The following PLCL1 variants were observed in gnomAD, a reference collection of about 807,000 sequenced individuals.
PLCL1 encodes phospholipase C like 1 (inactive), also known as inactive phospholipase C-like protein 1.
Under a neutral mutation model 84.4 loss-of-function variants are expected in PLCL1, and 41 were observed. That is an observed-to-expected ratio of 0.49 (90% confidence interval 0.38 to 0.63). PLCL1 has a LOEUF of 0.63. Among genes scored for constraint, PLCL1 ranks in the 30% least tolerant of loss-of-function variants. The pLI is 0.00. For synonymous variants in PLCL1, 490 were observed against 488.3 expected (o/e 1.00, Z -0.05); for missense variants, 1,206 against 1,367.8 (o/e 0.88, Z 1.87).
intron 2 of PLCL1, among the ~76,000 whole-genome samples, chr2:198,086,510 A>G (rs1178486424): frequency 6.6e-6 from 1 of 152,084 alleles, no homozygotes; most frequent in Admixed American, 6.5e-5. Flanking sequence ...AGTCCCAGCT[A>G]CCCAGGAGGC....
At chr2:197,970,671 C>T (rs1174204109) in intron 1 of PLCL1, among the ~76,000 whole-genome samples, 1 of 152,108 alleles carries the variant, frequency 6.6e-6, no homozygotes, top group African/African-American at 2.4e-5. Context: ...ACATGGTTTG[C>T]ATTATCTTTC....
intron 1 of PLCL1, among the ~76,000 whole-genome samples, chr2:198,025,367 G>A (rs550067294): frequency 6.6e-6 from 1 of 151,354 alleles, no homozygotes; most frequent in South Asian, 2.1e-4. Context: ...TAGTATACTA[G>A]ATGCACTCTA....
At chr2:197,834,290 A>G (rs1225579290) in intron 1 of PLCL1, among the ~76,000 whole-genome samples, 2 of 152,234 alleles carry the variant, frequency 1.3e-5, no homozygotes, top group African/African-American at 2.4e-5. Context: ...ACAAAAGCCA[A>G]AATTGACAAA....
rs1690459717 is a variant in PLCL1 at position 197,805,699 on chromosome 2, T to C, written c.240+360T>C. 6.6e-6 allele frequency among the ~76,000 whole-genome samples: 1 copy of C among 152,186 alleles called. No individual in the cohort carries two copies. The highest frequency in any genetic ancestry group is 6.5e-5 in the Admixed American group (1 of 15,282). On this transcript the variant is annotated intron_variant, in intron 1 of 5. Coordinates refer to ENST00000428675, the MANE Select transcript of PLCL1 (RefSeq NM_006226.4). The surrounding 1 kb of genome is among the most constrained non-coding windows in gnomAD (Gnocchi z 4.0). ...CGGATGGTTGTGCATTGCTTTCCAA[T>C]GAAGGGTTAGCTTTTCCCATACAAT...
At chr2:197,952,640 C>A (rs1689410210) in intron 1 of PLCL1, among the ~76,000 whole-genome samples, 1 of 152,028 alleles carries the variant, frequency 6.6e-6, no homozygotes, top group South Asian at 2.1e-4. Flanking sequence ...ATGAATCATG[C>A]CTAATATGGT....
At chr2:197,880,764 A>G (rs1450985537) in intron 1 of PLCL1, among the ~76,000 whole-genome samples, 1 of 152,226 alleles carries the variant, frequency 6.6e-6, no homozygotes, top group Non-Finnish European at 1.5e-5. Flanking sequence ...TATGGGAAGA[A>G]TCACCTGGAC....
At chr2:198,110,953 A>G (rs752622208) in intron 5 of PLCL1, among the ~76,000 whole-genome samples, 1 of 151,810 alleles carries the variant, frequency 6.6e-6, no homozygotes, top group Non-Finnish European at 1.5e-5. Flanking sequence ...ACCTCCAAAC[A>G]ACAACAATAA....
chr2:197,966,398 G>T (rs1253387703), intron 1 of PLCL1, among the ~76,000 whole-genome samples: 1 of 152,110 alleles, frequency 6.6e-6, no homozygotes, highest in African/African-American at 2.4e-5. Flanking sequence ...ACTTTAGCCA[G>T]GGTGATAAGC....
intron 1 of PLCL1, among the ~76,000 whole-genome samples, chr2:197,835,671 T>A (rs1490899008): frequency 6.6e-6 from 1 of 152,232 alleles, no homozygotes; most frequent in Non-Finnish European, 1.5e-5. Flanking sequence ...TGAGACTCTG[T>A]TTCTTCGCCT....
At chr2:198,056,437 A>G (rs1034335114) in intron 1 of PLCL1, among the ~76,000 whole-genome samples, 2 of 152,220 alleles carry the variant, frequency 1.3e-5, no homozygotes, top group African/African-American at 4.8e-5. Flanking sequence ...TGAGTCAGAC[A>G]GACCTAGGAT....
At chr2:197,891,096 A>G (rs1019267708) in intron 1 of PLCL1, among the ~76,000 whole-genome samples, 1 of 151,812 alleles carries the variant, frequency 6.6e-6, no homozygotes, top group African/African-American at 2.4e-5. Context: ...ACTATTGAAC[A>G]CCTACTCTGT....
intron 1 of PLCL1, among the ~76,000 whole-genome samples, chr2:197,938,124 C>A (rs1689085145): frequency 1.3e-5 from 2 of 152,164 alleles, no homozygotes; most frequent in African/African-American, 4.8e-5. Flanking sequence ...AATTATAGTT[C>A]TTTTCCAGTC....
chr2:198,031,044 A>G (rs1691403252), intron 1 of PLCL1, among the ~76,000 whole-genome samples: 1 of 152,158 alleles, frequency 6.6e-6, no homozygotes, highest in Non-Finnish European at 1.5e-5. Context: ...GCCATACATC[A>G]TGCCTTAGTT....
At chr2:197,896,576 T>G (rs1688135049) in intron 1 of PLCL1, among the ~76,000 whole-genome samples, 1 of 152,032 alleles carries the variant, frequency 6.6e-6, no homozygotes, top group Non-Finnish European at 1.5e-5. Flanking sequence ...AATGGCTATT[T>G]TATATGGTAG....
intron 1 of PLCL1, among the ~76,000 whole-genome samples, chr2:197,857,508 T>A (rs1013157790): frequency 5.9e-5 from 9 of 152,338 alleles, no homozygotes; most frequent in African/African-American, 2.2e-4. Flanking sequence ...AATAATCAGC[T>A]GATTGTATCA....
At chr2:197,811,825 C>T (rs1004852303) in intron 1 of PLCL1, among the ~76,000 whole-genome samples, 20 of 152,178 alleles carry the variant, frequency 1.3e-4, no homozygotes, top group African/African-American at 4.3e-4. Flanking sequence ...TTTCTCTTGA[C>T]TTTTAGGTTC....
intron 1 of PLCL1, among the ~76,000 whole-genome samples, chr2:198,072,892 T>C (rs1257132161): frequency 2.0e-5 from 3 of 152,202 alleles, no homozygotes; most frequent in Non-Finnish European, 2.9e-5. Context: ...AAAAGATCTA[T>C]AATTCACTTC....
Position 198,075,905 on chromosome 2 carries a change from A to G in PLCL1, c.241-7853A>G, listed in dbSNP as rs564576003. 1.0e-3 allele frequency among the ~76,000 whole-genome samples: 159 copies of G among 152,346 alleles called. 1 individual carries two copies. Among genetic ancestry groups the G allele is most frequent in the African/African-American group, 3.8e-3 (156 of 41,588 alleles). ...ACTTGTACAATGCATAGCCCAGAGTAGGGGCTCAGTCAATCTTTGTGTAAA... is the reference window on the plus strand; with the variant it reads ...ACTTGTACAATGCATAGCCCAGAGTGGGGGCTCAGTCAATCTTTGTGTAAA... On this transcript the variant is annotated intron_variant, in intron 1 of 5. Coordinates refer to ENST00000428675, the MANE Select transcript of PLCL1 (RefSeq NM_006226.4).
chr2:198,050,037 G>A (rs1691888296), intron 1 of PLCL1, among the ~76,000 whole-genome samples: 1 of 152,192 alleles, frequency 6.6e-6, no homozygotes, highest in South Asian at 2.1e-4. Context: ...CCAGCGCTTA[G>A]ACAAGTATGG....
Sources: gnomAD v4.1 joint callset for allele counts (sites outside exome capture counted in the v4.1 genomes callset) on GRCh38, gnomAD v4.1.1 for gene constraint, Gnocchi (gnomAD v3.1) non-coding constraint, MANE v1.5 for transcripts, NCBI Gene and HGNC (gene_info 2026-07-23, HGNC 2026-07-21) for gene names.